Variants in SLC22A25 observed in about 807,000 individuals in gnomAD.
The protein encoded by SLC22A25 is solute carrier family 22 member 25.
SLC22A25 carries 44 observed loss-of-function variants against 45.9 expected under a neutral mutation model. The observed-to-expected ratio is 0.96, with a 90% CI of 0.75 to 1.23. The LOEUF is 1.23. Among genes scored for constraint, SLC22A25 ranks in the 50% most tolerant of loss-of-function variants. The pLI, the probability that SLC22A25 is intolerant of heterozygous loss-of-function variation, is 0.00. For synonymous variants in SLC22A25, 283 were observed against 238.6 expected, an observed-to-expected ratio of 1.19 and a Z score of -1.72; for missense variants, 800 against 666.4, an observed-to-expected ratio of 1.20 and a Z score of -2.21.
At chr11:63,189,960 G>C (rs1013183693) in intron 7 of SLC22A25, among the ~76,000 whole-genome samples, 5 of 152,136 alleles carry the variant, frequency 3.3e-5, no homozygotes, top group South Asian at 2.1e-4. Flanking sequence ...CAAGCTTTCT[G>C]TCTGGCTGCC....
chr11:63,171,766 A>C (rs1219031160), intron 9 of SLC22A25, among the ~76,000 whole-genome samples: 1 of 152,144 alleles, frequency 6.6e-6, no homozygotes, highest in Non-Finnish European at 1.5e-5. Context: ...GCTATTCCTC[A>C]AGCTAACATT....
At chr11:63,242,214 G>C (rs2090260406) in intron 1 of SLC22A25, among the ~76,000 whole-genome samples, 1 of 152,190 alleles carries the variant, frequency 6.6e-6, no homozygotes, top group South Asian at 2.1e-4. Flanking sequence ...TCTACTTTCA[G>C]AGAGCAGGTG....
At chr11:63,202,425 C>T (rs2089275516) in intron 7 of SLC22A25, among the ~76,000 whole-genome samples, 1 of 152,158 alleles carries the variant, frequency 6.6e-6, no homozygotes, top group Non-Finnish European at 1.5e-5. Context: ...ACTGCCAGCA[C>T]AGCAGGCTGA....
At chr11:63,235,712 A>C (rs750517509) in intron 3 of SLC22A25, among the ~76,000 whole-genome samples, 12 of 151,986 alleles carry the variant, frequency 7.9e-5, no homozygotes, top group Non-Finnish European at 1.3e-4. Flanking sequence ...TAGAGAGGAG[A>C]GGTGCTCTGA....
rs2087577465 is a variant in SLC22A25 at position 63,163,687 on chromosome 11, G to A, written c.*137C>T. ...GGTCTGTGTGATCTAGTGAGGCTCA[G>A]GGGATGTATGAGGTCACTGTGGAAG... On this transcript the variant is annotated 3_prime_UTR_variant, in exon 12 of 12. Transcript: ENST00000306494. The A allele has an allele frequency of 4.1e-6, 5 of 1,233,382 alleles. No individual in the cohort carries two copies. Among genetic ancestry groups the A allele is most frequent in the African/African-American group, 1.5e-5 (1 of 66,228 alleles). The allele number at this position is 1,233,382 out of a possible 1,614,324, so 76.4% of individuals were successfully genotyped here.
At chr11:63,231,154 G>C (rs2090060943) in intron 3 of SLC22A25, among the ~76,000 whole-genome samples, 1 of 152,158 alleles carries the variant, frequency 6.6e-6, no homozygotes, top group African/African-American at 2.4e-5. Context: ...ATAATCCTTT[G>C]GGTATATACT....
rs570290951 is a variant in SLC22A25, at chr11:63,177,214, T to A, written c.1070+3446A>T. Among the ~76,000 whole-genome samples, 16 of 152,124 alleles carry A rather than the reference T, an allele frequency of 1.1e-4. No individual in the cohort carries two copies. The East Asian group carries it at 1.7e-3, about 17-fold the overall frequency. On this transcript the variant is annotated intron_variant, in intron 9 of 11. Coordinates refer to ENST00000306494, the MANE Select transcript of SLC22A25 (RefSeq NM_199352.6). ...ATAAAATGTCTAGATGTGAATTTTT[T>A]AAATTTTTAATGTTTATGGATACAT...
intron 7 of SLC22A25, 128 bp downstream of exon 7, chr11:63,217,186 A>G: frequency 3.1e-6 from 3 of 977,674 alleles, no homozygotes; most frequent in South Asian, 6.4e-5. Context: ...CTTGAATTGC[A>G]TATTTAGCAC....
At chr11:63,229,170 A>C in intron 4 of SLC22A25, 81 bp downstream of exon 4, 1 of 1,410,742 alleles carries the variant, frequency 7.1e-7, no homozygotes. Flanking sequence ...CATGTGACTA[A>C]AGGCTGGAAG....
intron 3 of SLC22A25, among the ~76,000 whole-genome samples, chr11:63,235,566 T>A (rs1199754127): frequency 1.3e-5 from 2 of 152,198 alleles, no homozygotes; most frequent in Non-Finnish European, 2.9e-5. Flanking sequence ...TCAAAGTTTT[T>A]AACTTCTTTG....
chr11:63,208,040 C>A (rs1167634417), intron 7 of SLC22A25: 1 of 152,224 alleles, frequency 6.6e-6, no homozygotes, highest in African/African-American at 2.4e-5. Context: ...ATTGGTCTCT[C>A]TGATTCCTTA....
intron 8 of SLC22A25, among the ~76,000 whole-genome samples, chr11:63,182,442 T>C (rs1434478330): frequency 6.6e-6 from 1 of 151,614 alleles, no homozygotes; most frequent in Non-Finnish European, 1.5e-5. Context: ...ACAGATAGCA[T>C]CTGAGAATTC....
At chr11:63,230,948 G>C (rs1437160991) in intron 3 of SLC22A25, among the ~76,000 whole-genome samples, 2 of 152,116 alleles carry the variant, frequency 1.3e-5, no homozygotes, top group African/African-American at 2.4e-5. Context: ...ATGGTTTCCA[G>C]CTTCATCCAT....
intron 10 of SLC22A25, among the ~76,000 whole-genome samples, chr11:63,165,049 T>TA (rs2087633531): frequency 1.3e-5 from 2 of 152,122 alleles, no homozygotes; most frequent in African/African-American, 4.8e-5. Flanking sequence ...AAAACCCAGA[T>TA]ATATACACAA....
At position 63,160,184 on chromosome 11, in the gene SLC22A25, A is replaced by G. The variant is rs1359003916; in HGVS notation, c.*3640T>C. Among the ~76,000 whole-genome samples the G allele has an allele frequency of 6.6e-6, 1 of 152,204 alleles. No individual in the cohort carries two copies. The highest frequency in any genetic ancestry group is 6.5e-5 in the Admixed American group (1 of 15,286). On this transcript the variant is annotated 3_prime_UTR_variant, in exon 12 of 12. Coordinates refer to ENST00000306494, the MANE Select transcript of SLC22A25 (RefSeq NM_199352.6). The stretch of plus-strand genomic sequence containing the variant: ...GAGGAACCAAAGGTTAATCCCTAAG[A>G]CAATGGGGAAAATGTCTCCAGGGCA...
intron 8 of SLC22A25, among the ~76,000 whole-genome samples, chr11:63,181,907 T>C (rs1472086942): frequency 6.6e-6 from 1 of 152,144 alleles, no homozygotes; most frequent in African/African-American, 2.4e-5. Context: ...TCCATGTTTC[T>C]GAACCCTTTA....
chr11:63,212,392 C>G (rs970181094), intron 7 of SLC22A25, among the ~76,000 whole-genome samples: 4 of 152,102 alleles, frequency 2.6e-5, no homozygotes, highest in Admixed American at 2.0e-4. Flanking sequence ...GCACTATTCA[C>G]AATAGCAAAG....
intron 7 of SLC22A25, among the ~76,000 whole-genome samples, chr11:63,205,012 C>G (rs1430612478): frequency 2.0e-5 from 3 of 152,174 alleles, no homozygotes; most frequent in Non-Finnish European, 4.4e-5. Context: ...GAAACTCACT[C>G]AAACCCACAC....
rs943193486 is a variant in SLC22A25 at position 63,239,114 on chromosome 11, A to G, written c.-974T>C. 1 of 163,158 alleles carries G rather than the reference A, an allele frequency of 6.1e-6. No individual in the cohort carries two copies. The highest frequency in any genetic ancestry group is 1.4e-5 in the Non-Finnish European group (1 of 72,974). 10.1% of individuals were successfully genotyped at this position (163,158 alleles called of 1,614,324 possible). Reference sequence around the variant, plus strand: ...TTGATCCAAGAAGTCCTGAAATACCATTGAGGCTGAAGAGATTATCCCTAA... The same window carrying G: ...TTGATCCAAGAAGTCCTGAAATACCGTTGAGGCTGAAGAGATTATCCCTAA... On this transcript the variant is annotated 5_prime_UTR_variant, in exon 2 of 12. It removes an upstream start codon present in the reference 5' UTR. Transcript: ENST00000306494.
Sources: allele counts gnomAD v4.1 joint callset (sites outside exome capture counted in the v4.1 genomes callset), GRCh38; gene constraint gnomAD v4.1.1; transcripts MANE v1.5; gene names NCBI Gene and HGNC (gene_info 2026-07-23, HGNC 2026-07-21).